Variants in PTK2 observed in about 807,000 individuals in gnomAD.
PTK2 encodes the protein focal adhesion kinase 1.
In PTK2, 45 loss-of-function variants were observed where a neutral mutation model predicts 150.1. The observed-to-expected ratio is 0.30, with a 90% CI of 0.24 to 0.38. PTK2 has a LOEUF of 0.38. PTK2 is among the 10% of genes least tolerant of loss of function. The probability of loss-of-function intolerance (pLI) is 1.00; values close to 1 mark genes in which losing one functional copy is unlikely to be tolerated. For synonymous variants in PTK2, 432 were observed against 449.2 expected, an observed-to-expected ratio of 0.96 and a Z score of 0.48; for missense variants, 919 against 1,307.3, an observed-to-expected ratio of 0.70 and a Z score of 4.58.
intron 26 of PTK2, among the ~76,000 whole-genome samples, chr8:140,694,118 G>A (rs2100024966): frequency 1.3e-5 from 2 of 148,650 alleles, no homozygotes; most frequent in African/African-American, 5.0e-5. Context: ...TCGGCTCACT[G>A]CAAGCTCCGC....
intron 16 of PTK2, among the ~76,000 whole-genome samples, chr8:140,753,836 T>C (rs1460972347): frequency 2.0e-5 from 3 of 152,182 alleles, no homozygotes; most frequent in Non-Finnish European, 4.4e-5. Flanking sequence ...AAATCCCCAT[T>C]AGTATAGCAC....
At chr8:140,749,411 A>G (rs930475273) in intron 17 of PTK2, among the ~76,000 whole-genome samples, 7 of 152,378 alleles carry the variant, frequency 4.6e-5, no homozygotes, top group East Asian at 1.9e-4. Context: ...AGTAATTATT[A>G]GAAACACAAA....
At chr8:140,977,845 A>T (rs1404521817) in intron 1 of PTK2, among the ~76,000 whole-genome samples, 1 of 152,200 alleles carries the variant, frequency 6.6e-6, no homozygotes, top group African/African-American at 2.4e-5. Flanking sequence ...TATGACATTA[A>T]AATTAAGAAC....
At chr8:140,933,961 G>A (rs941441058) in intron 1 of PTK2, among the ~76,000 whole-genome samples, 3 of 150,604 alleles carry the variant, frequency 2.0e-5, no homozygotes, top group South Asian at 2.1e-4. Context: ...AAAAGGAGCC[G>A]ATAAATATAA....
At chr8:140,732,518 T>G (rs2100050055) in intron 22 of PTK2, 1 of 523,632 alleles carries the variant, frequency 1.9e-6, no homozygotes, top group Non-Finnish European at 3.9e-6. Flanking sequence ...TGACTCTTCC[T>G]GTATCTAGCT....
Position 140,950,900 on chromosome 8 carries a change from G to A in PTK2, c.-121-25151C>T, listed in dbSNP as rs148258288. ...CTCCATAGATTTTGGTATCTTGGGG[G>A]AATCCTGGAACCAATCCCCCACAGA... On this transcript the variant is annotated intron_variant, in intron 1 of 31. Coordinates refer to ENST00000522684, the Ensembl canonical transcript of PTK2. Among the ~76,000 whole-genome samples, 54 of 152,138 alleles carry A rather than the reference G, an allele frequency of 3.5e-4. No homozygotes were observed. The East Asian group carries it at 9.1e-3, about 26-fold the overall frequency.
intron 1 of PTK2, among the ~76,000 whole-genome samples, chr8:140,989,215 A>T (rs2154610196): frequency 1.4e-5 from 2 of 143,046 alleles, no homozygotes; most frequent in African/African-American, 2.6e-5. Context: ...CTGTCTCTAA[A>T]AAAAAAAAAA....
chr8:140,702,742 C>T, intron 24 of PTK2, 35 bp from the exon 28 acceptor site: 1 of 1,604,024 alleles, frequency 6.2e-7, no homozygotes. Context: ...TAATGTTCAA[C>T]TATAACATCT....
At chr8:140,766,237 T>A (rs1301450802) in intron 14 of PTK2, among the ~76,000 whole-genome samples, 1 of 152,200 alleles carries the variant, frequency 6.6e-6, no homozygotes, top group Non-Finnish European at 1.5e-5. Flanking sequence ...GCAAAGTTCA[T>A]TAAAAGCCTG....
At chr8:140,720,958 T>C (rs974728368) in intron 22 of PTK2, among the ~76,000 whole-genome samples, 5 of 152,132 alleles carry the variant, frequency 3.3e-5, no homozygotes, top group Non-Finnish European at 5.9e-5. Context: ...GGTTTTACCA[T>C]GTTGGCCAGG....
chr8:140,717,828 G>GA, intron 22 of PTK2, 119 bp from the exon 26 acceptor site: 1 of 737,236 alleles, frequency 1.4e-6, no homozygotes, highest in Non-Finnish European at 2.4e-6. Flanking sequence ...AACAATAAAG[G>GA]ATCCTATACA....
At chr8:140,722,624 G>A (rs940153507) in intron 22 of PTK2, among the ~76,000 whole-genome samples, 2 of 152,132 alleles carry the variant, frequency 1.3e-5, no homozygotes, top group African/African-American at 4.8e-5. Context: ...CTGGGAGCAG[G>A]AGACCAGTCA....
At chr8:140,899,493 A>C (rs1464947840) in intron 2 of PTK2, among the ~76,000 whole-genome samples, 1 of 152,218 alleles carries the variant, frequency 6.6e-6, no homozygotes, top group Admixed American at 6.5e-5. Flanking sequence ...TCAATAAGCC[A>C]ATTGATGAAT....
chr8:140,744,574 A>G (rs778244554), intron 19 of PTK2, 78 bp downstream of exon 22: 52 of 887,404 alleles, frequency 5.9e-5, no homozygotes, highest in Non-Finnish European at 8.6e-5. Context: ...AAGGGTCCAA[A>G]GACGGTCCAA....
intron 2 of PTK2, among the ~76,000 whole-genome samples, chr8:140,922,566 C>T (rs777243623): frequency 7.2e-5 from 11 of 152,080 alleles, no homozygotes; most frequent in Non-Finnish European, 1.6e-4. Context: ...TCTGAGCCAT[C>T]GACTAATGGA....
intron 1 of PTK2, among the ~76,000 whole-genome samples, chr8:140,970,082 C>T (rs189420167): frequency 2.6e-5 from 4 of 152,350 alleles, no homozygotes; most frequent in East Asian, 1.9e-4. Flanking sequence ...CCAGCAGCTT[C>T]GGAGAAACTC....
At chr8:140,996,283 T>A (rs867582340) in intron 1 of PTK2, among the ~76,000 whole-genome samples, 1 of 152,038 alleles carries the variant, frequency 6.6e-6, no homozygotes, top group Non-Finnish European at 1.5e-5. Context: ...CTAGCAGAGG[T>A]TGGTTCGTGA....
intron 22 of PTK2, among the ~76,000 whole-genome samples, chr8:140,726,571 A>G (rs144523069): frequency 2.0e-5 from 3 of 152,318 alleles, no homozygotes; most frequent in South Asian, 4.1e-4. Context: ...CTCATTAAAC[A>G]TAACAGGGCA....
rs150364264 is a variant in PTK2 at position 140,834,543 on chromosome 8, G to C, written c.594-4017C>G. On this transcript the variant is annotated intron_variant, in intron 7 of 31. Transcript: ENST00000522684. ...ACTAAGATTCAAATCATTTAGATTT[G>C]AAGCTACAAAGAAAAGAGAGGCTGT... Among the ~76,000 whole-genome samples, 192 of 152,190 alleles carry C rather than the reference G, an allele frequency of 1.3e-3. 1 individual carries two copies. Among genetic ancestry groups the C allele is most frequent in the Middle Eastern group, 6.8e-3 (2 of 294 alleles).
Sources: gnomAD v4.1 joint callset for allele counts (sites outside exome capture counted in the v4.1 genomes callset) on GRCh38, gnomAD v4.1.1 for gene constraint, MANE v1.5 for transcripts, NCBI Gene and HGNC (gene_info 2026-07-23, HGNC 2026-07-21) for gene names.